The following RBL1 variants were observed in gnomAD, a reference collection of about 807,000 sequenced individuals.
The protein encoded by RBL1 is RB transcriptional corepressor like 1.
In RBL1, 82 loss-of-function variants were observed where a neutral mutation model predicts 123.0. The observed-to-expected ratio is 0.67, with a 90% CI of 0.56 to 0.80. The LOEUF (loss-of-function observed/expected upper bound fraction) is 0.80, where lower values mean the gene tolerates loss of function less well. Among genes scored for constraint, RBL1 ranks in the 30% least tolerant of loss-of-function variants. The probability of loss-of-function intolerance (pLI) is 0.00; values close to 1 mark genes in which losing one functional copy is unlikely to be tolerated. For synonymous variants in RBL1, 405 were observed against 441.3 expected, an observed-to-expected ratio of 0.92 and a Z score of 1.03; for missense variants, 1,171 against 1,299.6, an observed-to-expected ratio of 0.90 and a Z score of 1.52.
intron 7 of RBL1, among the ~76,000 whole-genome samples, chr20:37,063,262 G>C (rs1043098705): frequency 1.3e-5 from 2 of 151,950 alleles, no homozygotes; most frequent in African/African-American, 2.4e-5. Flanking sequence ...ACTTTCAGTA[G>C]AGACGGGGTT....
chr20:37,085,289 C>T (rs779122342), intron 2 of RBL1, among the ~76,000 whole-genome samples: 26 of 151,844 alleles, frequency 1.7e-4, no homozygotes, highest in African/African-American at 4.6e-4. Context: ...CCCGCAACCA[C>T]GCCCAGCTAA....
At chr20:37,024,457 C>T (rs2064389730) in intron 16 of RBL1, among the ~76,000 whole-genome samples, 1 of 152,134 alleles carries the variant, frequency 6.6e-6, no homozygotes, top group African/African-American at 2.4e-5. Flanking sequence ...CAGAGCTGAT[C>T]CAATGCTTAC....
intron 11 of RBL1, among the ~76,000 whole-genome samples, chr20:37,054,125 G>A (rs530414047): frequency 1.3e-5 from 2 of 152,134 alleles, no homozygotes; most frequent in South Asian, 2.1e-4. Context: ...AGGGAAACTG[G>A]ATAAAGGATG....
intron 2 of RBL1, among the ~76,000 whole-genome samples, chr20:37,069,798 G>T (rs1278103655): frequency 6.6e-6 from 1 of 151,438 alleles, no homozygotes; most frequent in East Asian, 2.0e-4. Context: ...GAGGGAGGTG[G>T]GGGGGTCAGC....
chr20:37,080,418 A>G (rs534424004), intron 2 of RBL1, among the ~76,000 whole-genome samples: 1 of 150,024 alleles, frequency 6.7e-6, no homozygotes, highest in Non-Finnish European at 1.5e-5. Flanking sequence ...TGGCCTCCCA[A>G]AATGCTGCCT....
At chr20:37,017,755 T>C (rs573150198) in intron 19 of RBL1, among the ~76,000 whole-genome samples, 61 of 152,070 alleles carry the variant, frequency 4.0e-4, no homozygotes, top group Middle Eastern at 3.4e-3. Flanking sequence ...CTCAGGCTCC[T>C]GAGTAGCTGG....
At chr20:37,039,330 A>G (rs957378167) in intron 14 of RBL1, among the ~76,000 whole-genome samples, 1 of 152,188 alleles carries the variant, frequency 6.6e-6, no homozygotes, top group Non-Finnish European at 1.5e-5. Flanking sequence ...GGAAATTTGG[A>G]AAAGTAGGTA....
At chr20:37,000,472 G>A (rs1271395131) in intron 21 of RBL1, among the ~76,000 whole-genome samples, 4 of 140,084 alleles carry the variant, frequency 2.9e-5, no homozygotes, top group South Asian at 2.3e-4. Context: ...GGTGGGGGGG[G>A]TCAGCCCCCC....
chr20:37,082,761 C>T (rs1001739850), intron 2 of RBL1, among the ~76,000 whole-genome samples: 12 of 151,958 alleles, frequency 7.9e-5, no homozygotes, highest in Admixed American at 3.9e-4. Context: ...CTTTGGGAGG[C>T]GAAGATGGGT....
chr20:37,089,543 C>G (rs968428866), intron 1 of RBL1, among the ~76,000 whole-genome samples: 8 of 151,862 alleles, frequency 5.3e-5, no homozygotes, highest in African/African-American at 1.9e-4. Context: ...ACTTGGGTGG[C>G]TGAGGCAAGA....
chr20:37,040,374 TAA>T lies in RBL1; in HGVS notation c.1771-91_1771-90del, dbSNP rs1600513106. The T allele has an allele frequency of 1.4e-5, 21 of 1,505,338 alleles. No homozygotes were observed. In the East Asian group the frequency reaches 5.1e-4, roughly 36 times the overall value. 93.2% of individuals were successfully genotyped at this position (1,505,338 alleles called of 1,614,324 possible). On this transcript the variant is annotated intron_variant, in intron 13 of 21. Transcript: ENST00000373664. ...AATGTTTTCTTTTCTTTTTTTGAGA[TAA>T]AGTCTCATTCTGTTGCCCAGGCTGG...
chr20:37,025,003 A>C (rs2064397466), intron 16 of RBL1, among the ~76,000 whole-genome samples: 1 of 152,242 alleles, frequency 6.6e-6, no homozygotes, highest in Non-Finnish European at 1.5e-5. Flanking sequence ...TATTTCATTC[A>C]AAGAAGGGAT....
intron 11 of RBL1, among the ~76,000 whole-genome samples, chr20:37,050,050 G>A (rs1328154093): frequency 1.5e-5 from 2 of 131,436 alleles, no homozygotes. Flanking sequence ...CAACAAGAGC[G>A]AAACTCCATC....
chr20:37,055,324 A>C (rs1031879738), intron 11 of RBL1, among the ~76,000 whole-genome samples: 4 of 152,098 alleles, frequency 2.6e-5, no homozygotes, highest in African/African-American at 4.8e-5. Flanking sequence ...AAAAAAAAAA[A>C]AAAAAAACAC....
chr20:37,006,660 G>A (rs1466888199), intron 20 of RBL1, among the ~76,000 whole-genome samples: 2 of 150,256 alleles, frequency 1.3e-5, no homozygotes, highest in Non-Finnish European at 3.0e-5. Context: ...CCAACATGGT[G>A]AAACCCTGTC....
intron 14 of RBL1, among the ~76,000 whole-genome samples, chr20:37,038,242 T>G (rs1423616551): frequency 1.3e-5 from 2 of 150,474 alleles, no homozygotes; most frequent in Non-Finnish European, 3.0e-5. Flanking sequence ...TCCACCTGCC[T>G]CGGCCTCCCA....
chr20:37,028,002 G>A (rs1158392566), intron 16 of RBL1, among the ~76,000 whole-genome samples: 1 of 152,132 alleles, frequency 6.6e-6, no homozygotes, highest in African/African-American at 2.4e-5. Context: ...TAACCCTCCT[G>A]GCTTGGCCTC....
chr20:37,080,059 T>G (rs1286179316), intron 2 of RBL1, among the ~76,000 whole-genome samples: 3 of 147,380 alleles, frequency 2.0e-5, no homozygotes, highest in African/African-American at 7.3e-5. Flanking sequence ...TTTGATAGAA[T>G]GTACTTTTTT....
At chr20:37,023,928 C>T (rs2064382722) in intron 16 of RBL1, among the ~76,000 whole-genome samples, 1 of 151,772 alleles carries the variant, frequency 6.6e-6, no homozygotes. Flanking sequence ...CAGGCAAGTG[C>T]CACCACGCCT....
Sources: allele counts gnomAD v4.1 joint callset (sites outside exome capture counted in the v4.1 genomes callset), GRCh38; gene constraint gnomAD v4.1.1; transcripts MANE v1.5; gene names NCBI Gene and HGNC (gene_info 2026-07-23, HGNC 2026-07-21).